Variants in RPP14 observed in about 807,000 individuals in gnomAD.
The protein encoded by RPP14 is ribonuclease P protein subunit p14.
RPP14 carries 19 observed loss-of-function variants against 17.8 expected under a neutral mutation model. The ratio of observed to expected loss-of-function variants is 1.07; its 90% CI spans 0.74 to 1.57. RPP14 has a LOEUF of 1.57. Among genes scored for constraint, RPP14 ranks in the 40% most tolerant of loss-of-function variants. RPP14 has a pLI of 0.00. For missense variants in RPP14, 125 were observed against 140.8 expected (o/e 0.89, Z 0.57); for synonymous variants, 60 against 56.4 (o/e 1.06, Z -0.29).
chr3:58,308,759 G>A (rs1213361429), intron 1 of RPP14, among the ~76,000 whole-genome samples: 1 of 151,752 alleles, frequency 6.6e-6, no homozygotes, highest in Admixed American at 6.6e-5. Context: ...CCTGTTCCCT[G>A]TAGTGGGGGA....
intron 3 of RPP14, among the ~76,000 whole-genome samples, chr3:58,311,042 A>T (rs1010342315): frequency 2.0e-5 from 3 of 151,746 alleles, no homozygotes; most frequent in Non-Finnish European, 2.9e-5. Flanking sequence ...ACACATTTGT[A>T]TTCCTTTTTT....
intron 3 of RPP14, among the ~76,000 whole-genome samples, chr3:58,311,998 G>A (rs1199166670): frequency 1.3e-5 from 2 of 152,030 alleles, no homozygotes; most frequent in Admixed American, 6.6e-5. Flanking sequence ...TCAGTATCCC[G>A]AGTAGCTGGG....
chr3:58,312,334 A>ACCCC lies in RPP14; in HGVS notation c.162+1749_162+1752dup, dbSNP rs76719108. 0.025 allele frequency among the ~76,000 whole-genome samples: 1,764 copies of ACCCC among 69,496 alleles called. 63 individuals carry two copies. The East Asian group carries it at 0.28, about 11-fold the overall frequency. The allele number at this position is 69,496 out of a possible 152,430, so 45.6% of individuals were successfully genotyped here. A position where few individuals can be genotyped will look rare whatever the true frequency, so the allele number is the denominator to read the frequency against. On this transcript the variant is annotated intron_variant, in intron 3 of 5. Coordinates refer to ENST00000295959, the MANE Select transcript of RPP14 (RefSeq NM_007042.6). ...TGGAGTGCAGTGGCACAACCTCCGCACCCCCCCCCGCCCCTCCCGGATTCA... is the reference window on the plus strand; with the variant it reads ...TGGAGTGCAGTGGCACAACCTCCGCACCCCCCCCCCCCCGCCCCTCCCGGATTCA...
intron 3 of RPP14, among the ~76,000 whole-genome samples, chr3:58,312,502 T>C (rs1409504113): frequency 6.6e-6 from 1 of 152,094 alleles, no homozygotes; most frequent in Non-Finnish European, 1.5e-5. Flanking sequence ...GTGATGAATT[T>C]TGTTGGGTTT....
At chr3:58,309,443 C>G (rs2097479674) in intron 1 of RPP14, among the ~76,000 whole-genome samples, 1 of 152,144 alleles carries the variant, frequency 6.6e-6, no homozygotes, top group Non-Finnish European at 1.5e-5. Flanking sequence ...GCTGGGTGCT[C>G]ATAAGGAAAA....
In RPP14 at chr3:58,311,352, G is replaced by A. The variant is rs142054610; in HGVS notation, c.162+761G>A. ...GTATTTTTACTAGAGACAGGGTTTC[G>A]TCATGTTGGCCAGGCTGGTCTTGAA... On this transcript the variant is annotated intron_variant, in intron 3 of 5. Transcript: ENST00000295959. 3.9e-3 allele frequency among the ~76,000 whole-genome samples: 598 copies of A among 152,210 alleles called. 4 individuals carry two copies. The highest frequency in any genetic ancestry group is 5.3e-3 in the Non-Finnish European group (360 of 67,996).
intron 3 of RPP14, among the ~76,000 whole-genome samples, 172 bp from the exon 4 acceptor site, chr3:58,316,343 G>A (rs1368132014): frequency 6.6e-6 from 1 of 152,224 alleles, no homozygotes; most frequent in African/African-American, 2.4e-5. Flanking sequence ...GGTGTAGGCA[G>A]AACATTCTAG....
intron 1 of RPP14, among the ~76,000 whole-genome samples, chr3:58,309,570 A>G (rs1247399061): frequency 6.6e-6 from 1 of 152,164 alleles, no homozygotes; most frequent in Non-Finnish European, 1.5e-5. Flanking sequence ...TCAGAATTAG[A>G]TGAGTTACTG....
intron 1 of RPP14, chr3:58,310,106 A>G (rs2097480476): frequency 7.3e-6 from 4 of 544,526 alleles, no homozygotes; most frequent in Non-Finnish European, 1.3e-5. Flanking sequence ...AGTCTGAGGC[A>G]GGAGGATCAC....
chr3:58,312,710 C>T (rs944500567), intron 3 of RPP14, among the ~76,000 whole-genome samples: 3 of 152,078 alleles, frequency 2.0e-5, no homozygotes, highest in Non-Finnish European at 4.4e-5. Flanking sequence ...CCTATAATCC[C>T]AGCTCTTCGG....
intron 1 of RPP14, among the ~76,000 whole-genome samples, chr3:58,306,920 G>T (rs969444329): frequency 2.0e-5 from 3 of 152,170 alleles, no homozygotes; most frequent in African/African-American, 7.2e-5. Context: ...CAAATGCTAC[G>T]AAGAAGAAAG....
intron 5 of RPP14, 68 bp from the exon 6 acceptor site, chr3:58,317,372 G>T: frequency 9.6e-7 from 1 of 1,036,700 alleles, no homozygotes; most frequent in Admixed American, 2.2e-5. Flanking sequence ...AACTGGGCAT[G>T]TTTCCCCATT....
At chr3:58,306,735 T>A (rs1012427815) in intron 1 of RPP14, 2 of 152,244 alleles carry the variant, frequency 1.3e-5, no homozygotes, top group Admixed American at 1.3e-4. Context: ...TTTAAAGTGA[T>A]TGATTTAGTC....
Position 58,317,541 on chromosome 3 carries a change from T to A in RPP14, c.*45T>A. 7.7e-7 allele frequency: 1 copy of A among 1,303,826 alleles called. No individual in the cohort carries two copies. The highest frequency in any genetic ancestry group is 2.3e-5 in the East Asian group (1 of 43,486). The allele number at this position is 1,303,826 out of a possible 1,614,324, so 80.8% of individuals were successfully genotyped here. On this transcript the variant is annotated 3_prime_UTR_variant, in exon 6 of 6. Transcript: ENST00000295959. ...GGAAACGTTCATCCACTCTCATATT[T>A]ATTTTTTGGTGCCTGCATGTTTGAA...
At chr3:58,312,362 T>C (rs945016485) in intron 3 of RPP14, among the ~76,000 whole-genome samples, 6 of 99,834 alleles carry the variant, frequency 6.0e-5, no homozygotes, top group African/African-American at 2.4e-4. Flanking sequence ...CGGATTCAAG[T>C]GATTCTCCTG....
intron 1 of RPP14, among the ~76,000 whole-genome samples, chr3:58,309,226 A>T (rs2097479281): frequency 6.6e-6 from 1 of 152,118 alleles, no homozygotes; most frequent in Non-Finnish European, 1.5e-5. Flanking sequence ...TTACTCCTTT[A>T]TGTCTTTTCT....
intron 1 of RPP14, among the ~76,000 whole-genome samples, chr3:58,309,883 C>A (rs2097480223): frequency 6.6e-6 from 1 of 151,858 alleles, no homozygotes; most frequent in Non-Finnish European, 1.5e-5. Flanking sequence ...CAGAGCAAGA[C>A]TCCTTCTCCA....
chr3:58,314,498 G>A (rs531323201), intron 3 of RPP14, among the ~76,000 whole-genome samples: 82 of 152,206 alleles, frequency 5.4e-4, no homozygotes, highest in African/African-American at 2.0e-3. Context: ...TTTAACATTA[G>A]CCATTAGGGA....
Position 58,318,060 on chromosome 3 carries a change from TAA to T in RPP14, c.*568_*569del, listed in dbSNP as rs1559796858. 2 of 688,670 alleles carry T rather than the reference TAA, an allele frequency of 2.9e-6. No individual in the cohort carries two copies. Among genetic ancestry groups the T allele is most frequent in the Non-Finnish European group, 5.3e-6 (2 of 380,808 alleles). 42.7% of individuals were successfully genotyped at this position (688,670 alleles called of 1,614,324 possible). A position where few individuals can be genotyped will look rare whatever the true frequency, so the allele number is the denominator to read the frequency against. ...CAGTGTCATGTTCTGTAATAGAAAG[TAA>T]AAAGACTGTTATGGAAGGCTGGGTT... On this transcript the variant is annotated 3_prime_UTR_variant, in exon 6 of 6. Transcript: ENST00000295959.
Sources: gnomAD v4.1 joint callset for allele counts (sites outside exome capture counted in the v4.1 genomes callset) on GRCh38, gnomAD v4.1.1 for gene constraint, MANE v1.5 for transcripts, NCBI Gene and HGNC (gene_info 2026-07-23, HGNC 2026-07-21) for gene names.